UGT2B7: variants seen among roughly 807,000 people sequenced by gnomAD.
UGT2B7 encodes the protein UDP glucuronosyltransferase family 2 member B7.
In UGT2B7, 51 loss-of-function variants were observed where a neutral mutation model predicts 51.9. The ratio of observed to expected loss-of-function variants is 0.98; its 90% CI spans 0.78 to 1.24. UGT2B7 has a LOEUF of 1.24. Ranked by LOEUF, UGT2B7 falls within the 50% of genes most tolerant of loss-of-function variation. UGT2B7 has a pLI of 0.00. For missense variants in UGT2B7, 727 were observed against 628.4 expected (o/e 1.16, Z -1.68); for synonymous variants, 225 against 211.6 (o/e 1.06, Z -0.55).
chr4:69,081,961 G>A (rs1289188520), intron 1 of UGT2B7, among the ~76,000 whole-genome samples: 1 of 151,888 alleles, frequency 6.6e-6, no homozygotes, highest in Non-Finnish European at 1.5e-5. Flanking sequence ...TTTTAAAATG[G>A]CAAGTAACAA....
chr4:69,096,685 A>T lies in UGT2B7; in HGVS notation c.165A>T (p.Val55=). 1 of 1,614,064 alleles carries T rather than the reference A, an allele frequency of 6.2e-7. No homozygotes were observed. The highest frequency in any genetic ancestry group is 8.5e-7 in the Non-Finnish European group (1 of 1,179,956). ...ELIQRGHEVT[V]LASSASILFD... The stretch of plus-strand genomic sequence containing the variant: ...TTCAGAGAGGTCATGAGGTGACTGT[A>T]CTGGCATCTTCAGCTTCCATTCTTT... Residue 55 remains valine, a synonymous_variant, in exon 1 of 6, where the codon GTA becomes GTT. Coordinates refer to ENST00000305231, the MANE Select transcript of UGT2B7 (RefSeq NM_001074.4).
intron 1 of UGT2B7, among the ~76,000 whole-genome samples, chr4:69,082,403 A>T (rs1304914553): frequency 1.3e-5 from 2 of 151,816 alleles, no homozygotes. Context: ...AATTAAAAAA[A>T]AAACAAAAAA....
intron 3 of UGT2B7, among the ~76,000 whole-genome samples, chr4:69,105,140 A>G (rs1719554904): frequency 6.6e-6 from 1 of 152,174 alleles, no homozygotes. Flanking sequence ...TGGCCCCACA[A>G]GGACTCTGCA....
chr4:69,052,002 G>A (rs1718031152), intron 1 of UGT2B7, among the ~76,000 whole-genome samples: 1 of 152,048 alleles, frequency 6.6e-6, no homozygotes, highest in East Asian at 1.9e-4. Context: ...AAAAAACATG[G>A]ATCAGGTGCA....
chr4:69,108,701 T>A (rs1719685569), intron 5 of UGT2B7, among the ~76,000 whole-genome samples: 1 of 152,088 alleles, frequency 6.6e-6, no homozygotes, highest in Non-Finnish European at 1.5e-5. Context: ...ATTTTCTTGC[T>A]GAAAAATTAA....
intron 1 of UGT2B7, among the ~76,000 whole-genome samples, chr4:69,076,711 A>C (rs913406093): frequency 1.3e-5 from 2 of 152,086 alleles, no homozygotes; most frequent in African/African-American, 4.8e-5. Flanking sequence ...AGATTAAAAA[A>C]ATTTTTCCCA....
At chr4:69,057,278 A>G (rs1397627370) in intron 1 of UGT2B7, among the ~76,000 whole-genome samples, 1 of 152,146 alleles carries the variant, frequency 6.6e-6, no homozygotes, top group Non-Finnish European at 1.5e-5. Flanking sequence ...CCAGCTGAAT[A>G]AAGCCCTTCC....
chr4:69,092,618 A>G (rs6600878), upstream of UGT2B7, among the ~76,000 whole-genome samples: 87,570 of 151,778 alleles, frequency 0.58, 26,273 homozygotes, highest in African/African-American at 0.71. Context: ...AACATAAAAT[A>G]TGAAAAATAT....
chr4:69,056,515 A>G (rs1047535759), intron 1 of UGT2B7, among the ~76,000 whole-genome samples: 16 of 152,366 alleles, frequency 1.1e-4, no homozygotes, highest in African/African-American at 3.8e-4. Context: ...GTAGTTGAGG[A>G]TATAGTTAAA....
At chr4:69,076,569 T>C (rs1189637305) in intron 1 of UGT2B7, among the ~76,000 whole-genome samples, 1 of 152,136 alleles carries the variant, frequency 6.6e-6, no homozygotes, top group African/African-American at 2.4e-5. Context: ...TTGTTGGCTA[T>C]GTACATGTCT....
chr4:69,098,415 G>A, intron 1 of UGT2B7, 125 bp from the exon 2 acceptor site: 2 of 1,049,738 alleles, frequency 1.9e-6, no homozygotes, highest in Non-Finnish European at 2.7e-6. Flanking sequence ...ATGAATATGT[G>A]TATATATTTT....
chr4:69,071,871 TG>T (rs1327406200), intron 1 of UGT2B7, among the ~76,000 whole-genome samples: 1 of 152,082 alleles, frequency 6.6e-6, no homozygotes, highest in Non-Finnish European at 1.5e-5. Context: ...AATATTAGTC[TG>T]GGGAAATTAT....
At position 69,096,558 on chromosome 4, in the gene UGT2B7, A is replaced by C; in HGVS notation, c.38A>C (p.Gln13Pro). The change falls in exon 1 of 6, where the codon CAA becomes CCA. Residue 13 changes from glutamine (Q) to proline (P), a missense_variant. Transcript: ENST00000305231. ...TGGACTTCAGTAATTTTGCTAATAC[A>C]ACTGAGCTTTTGCTTTAGCTCTGGG... ...VKWTSVILLIQLSFCFSSGNC... is the reference protein window; with the variant it reads ...VKWTSVILLIPLSFCFSSGNC... 6.2e-7 allele frequency: 1 copy of C among 1,613,970 alleles called. No homozygotes were observed. The highest frequency in any genetic ancestry group is 2.2e-5 in the East Asian group (1 of 44,870).
intron 1 of UGT2B7, among the ~76,000 whole-genome samples, chr4:69,080,295 C>T (rs1172102408): frequency 6.6e-6 from 1 of 152,094 alleles, no homozygotes; most frequent in African/African-American, 2.4e-5. Flanking sequence ...CACCTGTAAT[C>T]CCAGCACTTT....
At chr4:69,068,021 T>A (rs1386838140) in intron 1 of UGT2B7, among the ~76,000 whole-genome samples, 2 of 152,104 alleles carry the variant, frequency 1.3e-5, no homozygotes, top group Admixed American at 1.3e-4. Flanking sequence ...TTTTAAACAT[T>A]TTTTGTCTAT....
intron 1 of UGT2B7, among the ~76,000 whole-genome samples, chr4:69,068,264 T>C (rs1169724944): frequency 6.6e-6 from 1 of 151,992 alleles, no homozygotes; most frequent in Admixed American, 6.6e-5. Flanking sequence ...TCACTGATAA[T>C]TTGTAAACAG....
chr4:69,099,921 G>A (rs569094728), intron 2 of UGT2B7, among the ~76,000 whole-genome samples: 4 of 152,118 alleles, frequency 2.6e-5, no homozygotes, highest in South Asian at 4.1e-4. Flanking sequence ...TTGACAGTAA[G>A]ATGAGCTACT....
intron 2 of UGT2B7, among the ~76,000 whole-genome samples, chr4:69,089,996 C>A (rs529160724): frequency 1.7e-4 from 26 of 152,168 alleles, no homozygotes; most frequent in Non-Finnish European, 2.9e-4. Context: ...AAGAATTATG[C>A]CCAAGAATAT....
intron 3 of UGT2B7, among the ~76,000 whole-genome samples, chr4:69,106,866 T>TA (rs1355832784): frequency 1.3e-5 from 2 of 151,924 alleles, no homozygotes; most frequent in African/African-American, 4.8e-5. Context: ...TTTCTTTTTT[T>TA]TTTTCATATG....
Sources: allele counts gnomAD v4.1 joint callset (sites outside exome capture counted in the v4.1 genomes callset), GRCh38; gene constraint gnomAD v4.1.1; transcripts MANE v1.5; gene names NCBI Gene and HGNC (gene_info 2026-07-23, HGNC 2026-07-21).